The following SH2D3A variants were observed in gnomAD, a reference collection of about 807,000 sequenced individuals.
SH2D3A encodes the protein SH2 domain containing 3A.
A neutral mutation model predicts 50.6 loss-of-function variants in SH2D3A; 46 were observed. The observed-to-expected ratio is 0.91, with a 90% confidence interval of 0.72 to 1.16. The LOEUF (loss-of-function observed/expected upper bound fraction) is 1.16, where lower values mean the gene tolerates loss of function less well. Ranked by LOEUF, SH2D3A falls within the 50% of genes most tolerant of loss-of-function variation. SH2D3A has a pLI of 0.00. For missense variants in SH2D3A, 783 were observed against 786.2 expected, an observed-to-expected ratio of 1.00 and a Z score of 0.05; for synonymous variants, 377 against 348.4, an observed-to-expected ratio of 1.08 and a Z score of -0.91.
rs573053869 is a variant in SH2D3A at position 6,762,159 on chromosome 19, G to A, written c.70-1172C>T. Among the ~76,000 whole-genome samples the A allele has an allele frequency of 2.0e-5, 3 of 152,040 alleles. No homozygotes were observed. In the East Asian group the frequency reaches 5.8e-4, roughly 29 times the overall value. Reference sequence around the variant, plus strand: ...TTAACTCTTGTAATTCCTGTAACAAGGGTGGTAGGTATTATTATACCTTTT... The same window carrying A: ...TTAACTCTTGTAATTCCTGTAACAAAGGTGGTAGGTATTATTATACCTTTT... On this transcript the variant is annotated intron_variant, in intron 2 of 9. Coordinates refer to ENST00000245908, the MANE Select transcript of SH2D3A (RefSeq NM_005490.3).
chr19:6,756,378 G>A (rs1363311946), intron 4 of SH2D3A, among the ~76,000 whole-genome samples: 4 of 151,190 alleles, frequency 2.6e-5, no homozygotes, highest in Admixed American at 6.6e-5. Context: ...ACAAAGCTGC[G>A]TATGGTATGA....
intron 1 of SH2D3A, among the ~76,000 whole-genome samples, chr19:6,766,947 A>T (rs1027599459): frequency 2.6e-5 from 4 of 152,126 alleles, no homozygotes; most frequent in Non-Finnish European, 2.9e-5. Flanking sequence ...TGGAGCTGAG[A>T]TGGACTTGCT....
chr19:6,759,598 C>T lies in SH2D3A; in HGVS notation c.492G>A (p.Gly164=). The T allele has an allele frequency of 6.2e-7, 1 of 1,613,878 alleles. No individual in the cohort carries two copies. Among genetic ancestry groups the T allele is most frequent in the Non-Finnish European group, 8.5e-7 (1 of 1,179,804 alleles). ...HMGRSREDPA[G]MEASTMPISA... is the part of the protein sequence containing the mutation. ...GCCATTCTAGCAGACACTTACCCATCCCAGCGGGGTCTTCTCTTGACCGCC... is the reference window on the plus strand; with the variant it reads ...GCCATTCTAGCAGACACTTACCCATTCCAGCGGGGTCTTCTCTTGACCGCC... The change falls in exon 4 of 10, where the codon GGG becomes GGA. Residue 164 remains glycine (G), a synonymous_variant. Transcript: ENST00000245908.
intron 4 of SH2D3A, 26 bp from the exon 5 acceptor site, chr19:6,755,341 TG>T: frequency 6.9e-7 from 1 of 1,458,540 alleles, no homozygotes; most frequent in Non-Finnish European, 9.1e-7. Context: ...GAGGGGTCAA[TG>T]GGAATACACA....
intron 2 of SH2D3A, among the ~76,000 whole-genome samples, chr19:6,761,436 C>A (rs1459737343): frequency 6.6e-6 from 1 of 152,194 alleles, no homozygotes; most frequent in African/African-American, 2.4e-5. Context: ...ATGACATTAA[C>A]ATGTTGACTG....
At chr19:6,753,772 AC>A in intron 8 of SH2D3A, 131 bp from the exon 9 acceptor site, 1 of 1,037,286 alleles carries the variant, frequency 9.6e-7, no homozygotes, top group Non-Finnish European at 1.3e-6. Context: ...AGGGGCCAGG[AC>A]CACACGCCCC....
At position 6,760,657 on chromosome 19, in the gene SH2D3A, C is replaced by T. The variant is rs138281544; in HGVS notation, c.400G>A (p.Ala134Thr). 7.5e-6 allele frequency: 12 copies of T among 1,592,258 alleles called. No individual in the cohort carries two copies. Among genetic ancestry groups the T allele is most frequent in the East Asian group, 2.2e-5 (1 of 44,504 alleles). ...FSEDTLMDGP[A>T]RIEPLRARKW... ...GAGTACCTGAGAGGCTCTATCCGAG[C>T]TGGGCCATCCATCAGGGTGTCCTCG... Residue 134 changes from alanine to threonine, a missense_variant, in exon 3 of 10, where the codon GCT becomes ACT. Transcript: ENST00000245908.
In SH2D3A at chr19:6,765,354, A is replaced by C. The variant is rs181313750; in HGVS notation, c.-68-1538T>G. 7.9e-4 allele frequency among the ~76,000 whole-genome samples: 120 copies of C among 152,060 alleles called. 1 individual carries two copies. The highest frequency in any genetic ancestry group is 2.8e-3 in the African/African-American group (116 of 41,456). ...GTGAAAAAACATCCCAGTCAGGGGG[A>C]ATTTAACTTACAAACATCCATGGCT... is the stretch of plus-strand genomic sequence containing the variant. On this transcript the variant is annotated intron_variant, in intron 1 of 9. Transcript: ENST00000245908.
chr19:6,756,878 T>A (rs1969712222), intron 4 of SH2D3A, among the ~76,000 whole-genome samples: 1 of 151,992 alleles, frequency 6.6e-6, no homozygotes, highest in African/African-American at 2.4e-5. Flanking sequence ...CTTCCTTCCT[T>A]TCTTTTCTTT....
rs913631889 is a variant in SH2D3A at position 6,752,722 on chromosome 19, G to A, written c.1602C>T (p.Ala534=). Residue 534 remains alanine, a synonymous_variant, in exon 10 of 10, where the codon GCC becomes GCT. Coordinates refer to ENST00000245908, the MANE Select transcript of SH2D3A (RefSeq NM_005490.3). ...GCCTCCGCACGAAGCCGGTGGTCAG[G>A]GCCTCCCTCAGCTCCGGGTTAGGCC... The part of the protein sequence containing the change: ...GFRPNPELRE[A]LTTGFVRRLL... 1.3e-6 allele frequency: 2 copies of A among 1,552,014 alleles called. No individual in the cohort carries two copies. Among genetic ancestry groups the A allele is most frequent in the East Asian group, 2.4e-5 (1 of 41,294 alleles).
chr19:6,754,517 C>T lies in SH2D3A; in HGVS notation c.1098-92G>A, dbSNP rs1969531053. 6.4e-6 allele frequency: 10 copies of T among 1,574,782 alleles called. No homozygotes were observed. The South Asian group carries it at 8.1e-5, about 13-fold the overall frequency. The stretch of plus-strand genomic sequence containing the variant: ...CAGGAGGTGGCATTGCCCCATCTCC[C>T]TTCTTCCCTGGGGAACCATGAGTGG... On this transcript the variant is annotated intron_variant, in intron 6 of 9. Coordinates refer to ENST00000245908, the MANE Select transcript of SH2D3A (RefSeq NM_005490.3).
At chr19:6,753,204 G>C (rs1969424605) in intron 9 of SH2D3A, 5 of 985,358 alleles carry the variant, frequency 5.1e-6, no homozygotes, top group Non-Finnish European at 6.0e-6. Context: ...AGGGGGAGTG[G>C]GGACCCGCGG....
At chr19:6,754,198 G>A (rs755160377) in intron 7 of SH2D3A, 35 bp from the exon 8 acceptor site, 1 of 1,608,234 alleles carries the variant, frequency 6.2e-7, no homozygotes, top group South Asian at 1.1e-5. Flanking sequence ...CTCCTCTCCA[G>A]TCTTCCCAGT....
At chr19:6,765,634 G>C (rs1297294968) in intron 1 of SH2D3A, among the ~76,000 whole-genome samples, 4 of 151,254 alleles carry the variant, frequency 2.6e-5, no homozygotes, top group Non-Finnish European at 4.4e-5. Context: ...TGTAGTCCCA[G>C]CTACTCAGGA....
chr19:6,752,239 A>G lies in SH2D3A; in HGVS notation c.*354T>C, dbSNP rs1969355880. The G allele has an allele frequency of 4.4e-6, 1 of 225,814 alleles. No homozygotes were observed. Among genetic ancestry groups the G allele is most frequent in the Non-Finnish European group, 8.5e-6 (1 of 117,442 alleles). The allele number at this position is 225,814 out of a possible 1,614,324, so 14.0% of individuals were successfully genotyped here. ...ACCATGTTGCCCTGGCTGGTCTTGA[A>G]CTCCTGGCCTCAAGCCTTCCTTCCG... On this transcript the variant is annotated 3_prime_UTR_variant, in exon 10 of 10. Transcript: ENST00000245908.
intron 2 of SH2D3A, among the ~76,000 whole-genome samples, chr19:6,761,945 T>G: frequency 7.7e-6 from 1 of 129,534 alleles, no homozygotes; most frequent in Non-Finnish European, 1.6e-5. Context: ...TGAGATCATG[T>G]CTCAAAAACA....
intron 1 of SH2D3A, among the ~76,000 whole-genome samples, chr19:6,766,631 C>T (rs1317041419): frequency 1.3e-5 from 2 of 152,198 alleles, no homozygotes; most frequent in Non-Finnish European, 2.9e-5. Context: ...GTGCACCAGG[C>T]TCTGTTCTAG....
intron 8 of SH2D3A, 29 bp downstream of exon 8, chr19:6,754,023 G>A (rs1383742047): frequency 6.4e-7 from 1 of 1,563,242 alleles, no homozygotes; most frequent in East Asian, 2.3e-5. Context: ...GGGCCCCCAG[G>A]GGATGCTAAG....
At position 6,753,519 on chromosome 19, in the gene SH2D3A, C is replaced by G; in HGVS notation, c.1507G>C (p.Gly503Arg). ...GCGTCCCGGACCATGTGACGCGCCC[C>G]GTGCAGGGTGCGCAACAGCCGCTCA... ...SCERLLRTLHGARHMVRDAPK... is the reference protein window; with the variant it reads ...SCERLLRTLHRARHMVRDAPK... Residue 503 changes from glycine (G) to arginine (R), a missense_variant, in exon 9 of 10, where the codon GGG becomes CGG. By Grantham distance (125) the Gly-to-Arg change is moderately radical (BLOSUM62 -2). Coordinates refer to ENST00000245908, the MANE Select transcript of SH2D3A (RefSeq NM_005490.3). 1 of 1,560,080 alleles carries G rather than the reference C, an allele frequency of 6.4e-7. No homozygotes were observed. Among genetic ancestry groups the G allele is most frequent in the Non-Finnish European group, 8.7e-7 (1 of 1,152,566 alleles).
Sources: gnomAD v4.1 joint callset for allele counts (sites outside exome capture counted in the v4.1 genomes callset) on GRCh38, gnomAD v4.1.1 for gene constraint, MANE v1.5 for transcripts, NCBI Gene and HGNC (gene_info 2026-07-23, HGNC 2026-07-21) for gene names.